The following COG7 variants were observed in gnomAD, a reference collection of about 807,000 sequenced individuals.
COG7 encodes conserved oligomeric Golgi complex subunit 7.
A neutral mutation model predicts 91.5 loss-of-function variants in COG7; 49 were observed. The observed-to-expected ratio is 0.54, with a 90% CI of 0.43 to 0.68. The LOEUF is 0.68. Among genes scored for constraint, COG7 ranks in the 30% least tolerant of loss-of-function variants. COG7 has a pLI of 0.00. For synonymous variants in COG7, 365 were observed against 388.7 expected, an observed-to-expected ratio of 0.94 and a Z score of 0.72; for missense variants, 895 against 961.3, an observed-to-expected ratio of 0.93 and a Z score of 0.91.
chr16:23,420,261 C>T (rs1023209666), intron 7 of COG7, among the ~76,000 whole-genome samples: 5 of 152,322 alleles, frequency 3.3e-5, no homozygotes, highest in Admixed American at 2.6e-4. Flanking sequence ...TAATTCAATT[C>T]CTGAAAATCA....
intron 2 of COG7, 95 bp downstream of exon 2, chr16:23,445,717 CA>C: frequency 7.7e-7 from 1 of 1,303,986 alleles, no homozygotes; most frequent in Non-Finnish European, 1.1e-6. Context: ...GTTGGCCTCC[CA>C]AAACACCGTG....
intron 11 of COG7, among the ~76,000 whole-genome samples, chr16:23,409,195 C>G (rs757085947): frequency 2.0e-5 from 3 of 152,116 alleles, no homozygotes; most frequent in Non-Finnish European, 2.9e-5. Flanking sequence ...CCAAGGACCA[C>G]TCCCCACCAA....
At chr16:23,441,783 T>C (rs1465641304) in intron 4 of COG7, 3 of 151,416 alleles carry the variant, frequency 2.0e-5, no homozygotes, top group African/African-American at 4.9e-5. Context: ...AAAAAAATAA[T>C]AGGAAGAAGC....
chr16:23,420,910 A>ATTTTTT (rs72250117), intron 7 of COG7, among the ~76,000 whole-genome samples: 17 of 118,484 alleles, frequency 1.4e-4, no homozygotes, highest in East Asian at 2.3e-4. Flanking sequence ...TACCTGGCTA[A>ATTTTTT]TTTTTTTTTT....
At chr16:23,444,510 T>TC (rs1491280768) in intron 3 of COG7, among the ~76,000 whole-genome samples, 1 of 132,426 alleles carries the variant, frequency 7.6e-6, no homozygotes, top group Non-Finnish European at 1.6e-5. Flanking sequence ...CTTTTCTTCT[T>TC]CTTTTTTTTT....
chr16:23,400,109 C>T (rs1963349783), intron 13 of COG7, among the ~76,000 whole-genome samples: 1 of 152,264 alleles, frequency 6.6e-6, no homozygotes, highest in African/African-American at 2.4e-5. Flanking sequence ...TCCTTATACT[C>T]TTCTCCCTAC....
chr16:23,430,665 C>G (rs1166591313), intron 6 of COG7, among the ~76,000 whole-genome samples: 3 of 151,888 alleles, frequency 2.0e-5, no homozygotes, highest in African/African-American at 7.2e-5. Context: ...CCTCAGCCTC[C>G]CAAGTAGCTG....
intron 6 of COG7, among the ~76,000 whole-genome samples, chr16:23,426,722 TTGGTAAGAGA>T (rs1963851443): frequency 6.6e-6 from 1 of 150,730 alleles, no homozygotes. Flanking sequence ...GTGATACCCA[TTGGTAAGAGA>T]TGGTAAGAAC....
At chr16:23,409,292 C>G (rs1295184626) in intron 11 of COG7, among the ~76,000 whole-genome samples, 2 of 152,182 alleles carry the variant, frequency 1.3e-5, no homozygotes, top group Non-Finnish European at 2.9e-5. Flanking sequence ...CTTATGATCA[C>G]TTCTCTGCAG....
At chr16:23,439,411 C>A (rs1191279364) in intron 4 of COG7, among the ~76,000 whole-genome samples, 1 of 152,000 alleles carries the variant, frequency 6.6e-6, no homozygotes, top group Non-Finnish European at 1.5e-5. Context: ...CACTTGTACA[C>A]CCATGATCAT....
intron 13 of COG7, among the ~76,000 whole-genome samples, chr16:23,400,428 G>A (rs776206919): frequency 3.9e-5 from 6 of 152,178 alleles, no homozygotes; most frequent in Non-Finnish European, 5.9e-5. Context: ...GGGAAGCAGA[G>A]TGTGGGGAGA....
At position 23,392,438 on chromosome 16, in the gene COG7, C is replaced by G; in HGVS notation, c.2088G>C (p.Ala696=). The G allele has an allele frequency of 6.2e-7, 1 of 1,614,180 alleles. No homozygotes were observed. Among genetic ancestry groups the G allele is most frequent in the East Asian group, 2.2e-5 (1 of 44,876 alleles). Reference sequence around the variant, plus strand: ...GGCTCAGCTCAGGGATCTGTAGGATCGCATCACAGTAGGTCTGCATTGTGG... The same window carrying G: ...GGCTCAGCTCAGGGATCTGTAGGATGGCATCACAGTAGGTCTGCATTGTGG... ...ARATMQTYCD[A]ILQIPELSPH... The change falls in exon 16 of 17, where the codon GCG becomes GCC. Residue 696 remains alanine (A), a synonymous_variant. Transcript: ENST00000307149.
At position 23,445,706 on chromosome 16, in the gene COG7, G is replaced by C. The variant is rs1019175892; in HGVS notation, c.318+107C>G. ...AGTGCTGGGCAGAATCTTGAGTGAT[G>C]GTTGGCCTCCCAAAACACCGTGCTG... On this transcript the variant is annotated intron_variant, in intron 2 of 16. Transcript: ENST00000307149. The C allele has an allele frequency of 1.5e-5, 17 of 1,112,852 alleles. No homozygotes were observed. The South Asian group carries it at 1.6e-4, about 11-fold the overall frequency. The allele number at this position is 1,112,852 out of a possible 1,614,324, so 68.9% of individuals were successfully genotyped here.
At chr16:23,393,411 C>A in intron 14 of COG7, 64 bp from the exon 15 acceptor site, 1 of 1,309,988 alleles carries the variant, frequency 7.6e-7, no homozygotes, top group East Asian at 2.3e-5. Flanking sequence ...TTTATGGGTA[C>A]ATTTGTGTGA....
At chr16:23,392,558 G>A (rs767297865) in intron 15 of COG7, 35 bp from the exon 16 acceptor site, 1 of 1,613,740 alleles carries the variant, frequency 6.2e-7, no homozygotes, top group African/African-American at 1.3e-5. Context: ...GGAAAACACA[G>A]GCCTGCAGTA....
intron 7 of COG7, among the ~76,000 whole-genome samples, chr16:23,421,178 TA>T (rs1378041833): frequency 1.3e-5 from 2 of 151,698 alleles, no homozygotes; most frequent in African/African-American, 4.8e-5. Context: ...CATAATCTTT[TA>T]TATTTTGAAT....
chr16:23,430,688 C>A (rs936350932), intron 6 of COG7, among the ~76,000 whole-genome samples: 79 of 151,890 alleles, frequency 5.2e-4, no homozygotes, highest in Non-Finnish European at 9.7e-4. Flanking sequence ...ATTACAGGCG[C>A]CTGCCACCAC....
intron 8 of COG7, chr16:23,417,363 C>T (rs1963674527): frequency 1.8e-6 from 1 of 560,422 alleles, no homozygotes; most frequent in Admixed American, 3.0e-5. Flanking sequence ...TCTACTTGAT[C>T]CTAATGTTTT....
In COG7 at chr16:23,453,066, G is replaced by C; in HGVS notation, c.-72C>G. ...CGGGCGGCAACGGGGATGCAGAAGC[G>C]AGCGAGCCTGCGAGAGCACCGAGGC... On this transcript the variant is annotated 5_prime_UTR_variant, in exon 1 of 17. Transcript: ENST00000307149. 6.2e-7 allele frequency: 1 copy of C among 1,601,638 alleles called. No homozygotes were observed. Among genetic ancestry groups the C allele is most frequent in the Non-Finnish European group, 8.5e-7 (1 of 1,173,666 alleles).
Sources: allele counts gnomAD v4.1 joint callset (sites outside exome capture counted in the v4.1 genomes callset), GRCh38; gene constraint gnomAD v4.1.1; transcripts MANE v1.5; gene names NCBI Gene and HGNC (gene_info 2026-07-23, HGNC 2026-07-21).